The following SETD3 variants were observed in gnomAD, a reference collection of about 807,000 sequenced individuals.
SETD3 encodes SET domain containing 3, actin N3(tau)-histidine methyltransferase.
A neutral mutation model predicts 63.0 loss-of-function variants in SETD3; 19 were observed. That is an observed-to-expected ratio of 0.30 (90% CI 0.21 to 0.44). The LOEUF is 0.44. Among genes scored for constraint, SETD3 ranks in the 20% least tolerant of loss-of-function variants. The pLI, the probability that SETD3 is intolerant of heterozygous loss-of-function variation, is 1.00. For missense variants in SETD3, 587 were observed against 728.5 expected (o/e 0.81, Z 2.24); for synonymous variants, 286 against 264.1 (o/e 1.08, Z -0.80).
At chr14:99,475,667 T>G (rs1008762020) in intron 1 of SETD3, among the ~76,000 whole-genome samples, 3 of 152,184 alleles carry the variant, frequency 2.0e-5, no homozygotes, top group East Asian at 1.9e-4. Flanking sequence ...CAATGAACTG[T>G]TTTTTTTTTA....
intron 8 of SETD3, chr14:99,412,730 A>G (rs1394085172): frequency 2.1e-6 from 1 of 467,196 alleles, no homozygotes; most frequent in Non-Finnish European, 3.8e-6. Flanking sequence ...ATGGTATAAG[A>G]TTCAAGCTCC....
intron 11 of SETD3, among the ~76,000 whole-genome samples, chr14:99,402,908 T>C (rs1470274529): frequency 6.6e-6 from 1 of 152,190 alleles, no homozygotes; most frequent in Admixed American, 6.5e-5. Context: ...CTCTCTTAAT[T>C]ATAAATGCCT....
chr14:99,446,868 C>A (rs1033468830), intron 6 of SETD3, among the ~76,000 whole-genome samples: 3 of 152,036 alleles, frequency 2.0e-5, no homozygotes, highest in Non-Finnish European at 4.4e-5. Context: ...CAGGGGGACA[C>A]ACCAGTGTAC....
At chr14:99,465,841 A>C (rs765929108) in intron 1 of SETD3, 28 bp from the exon 2 acceptor site, 5 of 1,484,468 alleles carry the variant, frequency 3.4e-6, no homozygotes, top group Non-Finnish European at 4.7e-6. Flanking sequence ...AAAAGAGAAA[A>C]AAATTACATT....
At chr14:99,425,851 T>G (rs1056500515) in intron 6 of SETD3, among the ~76,000 whole-genome samples, 1 of 152,208 alleles carries the variant, frequency 6.6e-6, no homozygotes, top group Non-Finnish European at 1.5e-5. Context: ...CAGACATATA[T>G]AATAAAGTGA....
At chr14:99,410,207 T>C in intron 8 of SETD3, 1 of 1,613,726 alleles carries the variant, frequency 6.2e-7, no homozygotes, top group Non-Finnish European at 8.5e-7. Flanking sequence ...CGAAGGAATC[T>C]TCTGGTGTCT....
chr14:99,447,855 G>C (rs1015351977), intron 6 of SETD3, among the ~76,000 whole-genome samples: 1 of 152,202 alleles, frequency 6.6e-6, no homozygotes, highest in Non-Finnish European at 1.5e-5. Flanking sequence ...TCCCAACACA[G>C]AGTAAAACGA....
upstream of SETD3, among the ~76,000 whole-genome samples, chr14:99,485,765 C>T (rs763198387): frequency 6.6e-6 from 1 of 152,162 alleles, no homozygotes; most frequent in Non-Finnish European, 1.5e-5. Context: ...GAGGCTGAGG[C>T]AGGAGAATCA....
chr14:99,459,553 A>G (rs1022995035), intron 4 of SETD3, among the ~76,000 whole-genome samples: 1 of 152,206 alleles, frequency 6.6e-6, no homozygotes, highest in Non-Finnish European at 1.5e-5. Context: ...AAATCAAAAC[A>G]AAATTCCTGC....
chr14:99,466,627 G>C (rs78483517), intron 1 of SETD3, among the ~76,000 whole-genome samples: 6 of 151,388 alleles, frequency 4.0e-5, no homozygotes, highest in East Asian at 1.9e-4. Context: ...GCGGGGGGGG[G>C]GGGGGGCATT....
intron 6 of SETD3, among the ~76,000 whole-genome samples, chr14:99,424,880 A>G (rs1892796077): frequency 6.6e-6 from 1 of 152,074 alleles, no homozygotes; most frequent in Non-Finnish European, 1.5e-5. Flanking sequence ...TCCAGGCAGG[A>G]AGGAGACTCA....
intron 6 of SETD3, 133 bp downstream of exon 6, chr14:99,458,146 T>C (rs1220550201): frequency 1.1e-5 from 12 of 1,076,748 alleles, no homozygotes; most frequent in Non-Finnish European, 1.4e-5. Flanking sequence ...TGAAATGTAT[T>C]TTATATTTTC....
intron 1 of SETD3, among the ~76,000 whole-genome samples, chr14:99,474,688 A>T (rs985659460): frequency 2.0e-5 from 3 of 152,182 alleles, no homozygotes; most frequent in Non-Finnish European, 4.4e-5. Flanking sequence ...AACACAGTGA[A>T]ACCCTGTCTC....
intron 6 of SETD3, 92 bp from the exon 7 acceptor site, chr14:99,414,026 C>A: frequency 8.4e-7 from 1 of 1,185,030 alleles, no homozygotes; most frequent in Non-Finnish European, 1.3e-6. Flanking sequence ...AGCTGCCTAA[C>A]AGATCCTAAC....
chr14:99,472,300 G>C (rs1287232345), intron 1 of SETD3, among the ~76,000 whole-genome samples: 1 of 152,224 alleles, frequency 6.6e-6, no homozygotes, highest in African/African-American at 2.4e-5. Flanking sequence ...TTAAGATTCA[G>C]TGTGAGGTGT....
At chr14:99,404,124 A>C in intron 11 of SETD3, 101 bp downstream of exon 11, 1 of 828,482 alleles carries the variant, frequency 1.2e-6, no homozygotes, top group South Asian at 1.7e-5. Flanking sequence ...AAAGTACTGT[A>C]GTTTTAATCC....
chr14:99,437,983 A>AT (rs1161822456), intron 6 of SETD3, among the ~76,000 whole-genome samples: 1 of 152,208 alleles, frequency 6.6e-6, no homozygotes, highest in Non-Finnish European at 1.5e-5. Flanking sequence ...ACAGCCACTA[A>AT]TTCACTTTAA....
upstream of SETD3, among the ~76,000 whole-genome samples, chr14:99,484,893 G>C (rs1033919775): frequency 1.3e-5 from 2 of 152,200 alleles, no homozygotes; most frequent in African/African-American, 4.8e-5. Context: ...TATTTATGAA[G>C]CACATTCCTG....
In SETD3 at chr14:99,398,876, C is replaced by G. The variant is rs973532908; in HGVS notation, c.1588G>C (p.Ala530Pro). ...PLVLRNLEEE[A>P]GVQDALNIRE... ...ATGTTCAAGGCATCCTGCACTCCAG[C>G]CTCCTCCTCGAGGTTTCTCAAGACC... Residue 530 changes from alanine (A) to proline (P), a missense_variant, in exon 13 of 13, where the codon GCT (alanine) becomes CCT (proline). By Grantham distance (27) the Ala-to-Pro change is conservative. Coordinates refer to ENST00000331768, the MANE Select transcript of SETD3 (RefSeq NM_032233.3). The G allele has an allele frequency of 1.2e-6, 2 of 1,614,098 alleles. No homozygotes were observed. Among genetic ancestry groups the G allele is most frequent in the African/African-American group, 2.7e-5 (2 of 74,942 alleles).
Sources: allele counts gnomAD v4.1 joint callset (sites outside exome capture counted in the v4.1 genomes callset), GRCh38; gene constraint gnomAD v4.1.1; transcripts MANE v1.5; gene names NCBI Gene and HGNC (gene_info 2026-07-23, HGNC 2026-07-21).